The following ABCC1 variants were observed in gnomAD, a reference collection of about 807,000 sequenced individuals.
ABCC1 encodes the protein multidrug resistance-associated protein 1.
ABCC1 carries 83 observed loss-of-function variants against 172.9 expected under a neutral mutation model. That is an observed-to-expected ratio of 0.48 (90% CI 0.40 to 0.58). The LOEUF is 0.58. Ranked by LOEUF, ABCC1 falls within the 20% of genes least tolerant of loss-of-function variation. ABCC1 has a pLI of 0.00. For synonymous variants in ABCC1, 937 were observed against 825.2 expected, an observed-to-expected ratio of 1.14 and a Z score of -2.32; for missense variants, 1,817 against 2,002.7, an observed-to-expected ratio of 0.91 and a Z score of 1.77.
rs185521250 is a variant in ABCC1 at position 15,952,208 on chromosome 16, C to T, written c.48+2409C>T. Among the ~76,000 whole-genome samples the T allele has an allele frequency of 1.6e-4, 24 of 152,256 alleles. No individual in the cohort carries two copies. In the East Asian group the frequency reaches 3.5e-3, roughly 22 times the overall value. On this transcript the variant is annotated intron_variant, in intron 1 of 30. Transcript: ENST00000399410. Reference sequence around the variant, plus strand: ...TAAGTGGCTCAGCTTGTGCCCTGCACGGAGATAAACAATGGTTAGTATTAA... The same window carrying T: ...TAAGTGGCTCAGCTTGTGCCCTGCATGGAGATAAACAATGGTTAGTATTAA...
At chr16:16,007,371 G>T (rs1179428948) in intron 1 of ABCC1, among the ~76,000 whole-genome samples, 3 of 151,998 alleles carry the variant, frequency 2.0e-5, no homozygotes, top group Admixed American at 6.6e-5. Flanking sequence ...GGGAATACAG[G>T]CACGCTCCAT....
At chr16:16,079,323 G>A (rs373494076) in intron 15 of ABCC1, 29 bp from the exon 16 acceptor site, 58 of 1,610,408 alleles carry the variant, frequency 3.6e-5, no homozygotes, top group Admixed American at 2.7e-4. Flanking sequence ...ATTCAGCGTG[G>A]CTGAGCCAGG....
intron 26 of ABCC1, among the ~76,000 whole-genome samples, chr16:16,128,223 C>T (rs963795646): frequency 6.8e-6 from 1 of 147,742 alleles, no homozygotes; most frequent in South Asian, 2.2e-4. Context: ...CTCGCTCCAG[C>T]CTGGAGTGCA....
chr16:15,977,991 C>T (rs544146153), intron 1 of ABCC1, among the ~76,000 whole-genome samples: 76 of 152,212 alleles, frequency 5.0e-4, no homozygotes, highest in Middle Eastern at 3.4e-3. Flanking sequence ...GTCTCTTCCT[C>T]AGCAAAATGG....
At chr16:16,003,080 ATAGT>A (rs1294283326) in intron 1 of ABCC1, among the ~76,000 whole-genome samples, 1 of 152,196 alleles carries the variant, frequency 6.6e-6, no homozygotes, top group African/African-American at 2.4e-5. Context: ...GCATGGATGG[ATAGT>A]TGGTTGGGTA....
intron 5 of ABCC1, among the ~76,000 whole-genome samples, chr16:16,025,233 A>T (rs1489311638): frequency 6.7e-6 from 1 of 148,552 alleles, no homozygotes; most frequent in East Asian, 1.9e-4. Flanking sequence ...GCACTGTATT[A>T]TTTATTTAGT....
chr16:16,102,757 C>T (rs1382180756), intron 20 of ABCC1, 40 bp downstream of exon 20: 5 of 1,540,198 alleles, frequency 3.2e-6, no homozygotes, highest in East Asian at 4.9e-5. Context: ...AGGACCCTGC[C>T]CTGCCAGTGG....
intron 5 of ABCC1, among the ~76,000 whole-genome samples, chr16:16,018,690 C>T (rs1032088556): frequency 2.0e-5 from 3 of 150,178 alleles, no homozygotes; most frequent in Non-Finnish European, 3.0e-5. Flanking sequence ...TCTGTGTGTA[C>T]GTGTGCATGT....
At chr16:15,988,868 G>A (rs2046798462) in intron 1 of ABCC1, among the ~76,000 whole-genome samples, 2 of 151,928 alleles carry the variant, frequency 1.3e-5, no homozygotes, top group South Asian at 4.2e-4. Context: ...AGGAGTTTGA[G>A]GCCAGACAGG....
At chr16:16,112,206 A>C (rs2052415771) in intron 22 of ABCC1, among the ~76,000 whole-genome samples, 1 of 151,910 alleles carries the variant, frequency 6.6e-6, no homozygotes, top group South Asian at 2.1e-4. Flanking sequence ...AGATAAATAA[A>C]ATAAACTACA....
chr16:16,135,803 T>C (rs1404643762), intron 28 of ABCC1, among the ~76,000 whole-genome samples: 2 of 152,112 alleles, frequency 1.3e-5, no homozygotes, highest in Admixed American at 1.3e-4. Flanking sequence ...TTCCTTAATA[T>C]GTTGCCTTTT....
chr16:16,119,313 A>T (rs993104569), intron 23 of ABCC1, among the ~76,000 whole-genome samples: 2 of 152,068 alleles, frequency 1.3e-5, no homozygotes, highest in African/African-American at 4.8e-5. Flanking sequence ...TGGTGGCGTG[A>T]ACCTGTAGTC....
rs572820504 is a variant in ABCC1, at chr16:16,103,140, A to C, written c.2735+423A>C. 6.6e-5 allele frequency among the ~76,000 whole-genome samples: 10 copies of C among 152,280 alleles called. No homozygotes were observed. In the East Asian group the frequency reaches 1.9e-3, roughly 29 times the overall value. ...TGAGGCAGGAGGATCGCTTGAGGCC[A>C]GGAGTTTGAGACCACAGTGGGTAAC... On this transcript the variant is annotated intron_variant, in intron 20 of 30. Transcript: ENST00000399410.
intron 25 of ABCC1, among the ~76,000 whole-genome samples, chr16:16,125,136 T>C (rs1020253854): frequency 6.6e-6 from 1 of 152,140 alleles, no homozygotes; most frequent in Admixed American, 6.5e-5. Flanking sequence ...ACAGATTCCT[T>C]AGTGGCCCAA....
chr16:16,071,387 C>A (rs775879584), intron 13 of ABCC1, among the ~76,000 whole-genome samples: 1 of 151,956 alleles, frequency 6.6e-6, no homozygotes, highest in African/African-American at 2.4e-5. Flanking sequence ...TTTGAGCTAC[C>A]GTGCCCAGCC....
chr16:16,101,180 C>A (rs1185907202), intron 19 of ABCC1, among the ~76,000 whole-genome samples: 1 of 151,996 alleles, frequency 6.6e-6, no homozygotes, highest in Non-Finnish European at 1.5e-5. Context: ...TACAGGCATG[C>A]ACCACCACGC....
intron 7 of ABCC1, among the ~76,000 whole-genome samples, chr16:16,039,797 G>T (rs932316102): frequency 1.3e-5 from 2 of 152,174 alleles, no homozygotes; most frequent in African/African-American, 4.8e-5. Flanking sequence ...GAGGGAGTGA[G>T]CCTTGTGTGT....
At chr16:15,950,671 T>C (rs1052189852) in intron 1 of ABCC1, among the ~76,000 whole-genome samples, 2 of 152,218 alleles carry the variant, frequency 1.3e-5, no homozygotes, top group Non-Finnish European at 2.9e-5. Context: ...GCGATTTGCC[T>C]CTTTGTTCCA....
At chr16:16,062,608 T>C (rs978887793) in intron 12 of ABCC1, among the ~76,000 whole-genome samples, 2 of 152,222 alleles carry the variant, frequency 1.3e-5, no homozygotes, top group African/African-American at 4.8e-5. Flanking sequence ...AAGAAACAGA[T>C]GGGCCTGGGT....
Sources: gnomAD v4.1 joint callset for allele counts (sites outside exome capture counted in the v4.1 genomes callset) on GRCh38, gnomAD v4.1.1 for gene constraint, MANE v1.5 for transcripts, NCBI Gene and HGNC (gene_info 2026-07-23, HGNC 2026-07-21) for gene names.